Variants in SMYD3 observed in about 807,000 individuals in gnomAD.
SMYD3 encodes the protein histone-lysine N-methyltransferase SMYD3.
A neutral mutation model predicts 57.7 loss-of-function variants in SMYD3; 36 were observed. The ratio of observed to expected loss-of-function variants is 0.62; its 90% CI spans 0.48 to 0.82. The LOEUF (loss-of-function observed/expected upper bound fraction) is 0.82, where lower values mean the gene tolerates loss of function less well. Ranked by LOEUF, SMYD3 falls within the 40% of genes least tolerant of loss-of-function variation. SMYD3 has a pLI of 0.00. For missense variants in SMYD3, 515 were observed against 538.8 expected (o/e 0.96, Z 0.44); for synonymous variants, 211 against 195.0 (o/e 1.08, Z -0.68).
At chr1:246,262,983 T>C (rs1339323199) in intron 5 of SMYD3, among the ~76,000 whole-genome samples, 1 of 152,204 alleles carries the variant, frequency 6.6e-6, no homozygotes, top group Non-Finnish European at 1.5e-5. Context: ...CTCAACTTTG[T>C]ATGTAAATAA....
chr1:246,470,338 A>T (rs548135395), intron 1 of SMYD3, among the ~76,000 whole-genome samples: 1 of 151,970 alleles, frequency 6.6e-6, no homozygotes, highest in African/African-American at 2.4e-5. Context: ...CTAAAAATAC[A>T]AAAAATAATT....
intron 10 of SMYD3, among the ~76,000 whole-genome samples, chr1:245,787,463 T>C (rs2047093298): frequency 6.6e-6 from 1 of 152,200 alleles, no homozygotes; most frequent in Non-Finnish European, 1.5e-5. Flanking sequence ...CTCTTAGTTC[T>C]GACAAGTTTT....
chr1:246,099,735 A>G (rs749486435), intron 5 of SMYD3, among the ~76,000 whole-genome samples: 37 of 152,212 alleles, frequency 2.4e-4, no homozygotes, highest in Admixed American at 5.2e-4. Flanking sequence ...CAAGGGTTTC[A>G]TGAAAGACCT....
At chr1:246,235,153 A>G (rs1382978811) in intron 5 of SMYD3, among the ~76,000 whole-genome samples, 1 of 152,210 alleles carries the variant, frequency 6.6e-6, no homozygotes, top group East Asian at 1.9e-4. Flanking sequence ...GCCTCTAAGT[A>G]TAAGGTTGAG....
intron 5 of SMYD3, among the ~76,000 whole-genome samples, chr1:245,997,159 A>T (rs1412866290): frequency 6.6e-6 from 1 of 152,246 alleles, no homozygotes; most frequent in Non-Finnish European, 1.5e-5. Flanking sequence ...ACACTTAATG[A>T]ATTTATTTAA....
intron 1 of SMYD3, among the ~76,000 whole-genome samples, chr1:246,440,713 T>C (rs1257510651): frequency 6.6e-6 from 1 of 152,138 alleles, no homozygotes; most frequent in African/African-American, 2.4e-5. Context: ...TACTATGATA[T>C]AGGAGTAGCA....
chr1:245,848,625 C>A (rs544219375), intron 10 of SMYD3, among the ~76,000 whole-genome samples: 1 of 151,988 alleles, frequency 6.6e-6, no homozygotes, highest in South Asian at 2.1e-4. Flanking sequence ...TCACCCAGGT[C>A]TGTCTTGAAC....
At chr1:246,175,661 C>T (rs1235464372) in intron 5 of SMYD3, among the ~76,000 whole-genome samples, 2 of 152,158 alleles carry the variant, frequency 1.3e-5, no homozygotes, top group Non-Finnish European at 1.5e-5. Flanking sequence ...ATCTTCTAAT[C>T]TGTTAGGATT....
At chr1:245,977,778 T>C (rs2148056235) in intron 5 of SMYD3, among the ~76,000 whole-genome samples, 1 of 152,354 alleles carries the variant, frequency 6.6e-6, no homozygotes, top group South Asian at 2.1e-4. Flanking sequence ...TTCCTCTTTT[T>C]GTTTCCTTCC....
chr1:246,117,887 T>C (rs1055636070), intron 5 of SMYD3, among the ~76,000 whole-genome samples: 6 of 106,612 alleles, frequency 5.6e-5, no homozygotes, highest in African/African-American at 3.5e-4. Flanking sequence ...AAATTACATA[T>C]TCTTTCTGTG....
intron 5 of SMYD3, among the ~76,000 whole-genome samples, chr1:246,205,112 G>C (rs1296950987): frequency 6.6e-6 from 1 of 152,180 alleles, no homozygotes; most frequent in Non-Finnish European, 1.5e-5. Context: ...TACTCCAGAA[G>C]GGTGGAGTCT....
At chr1:246,094,299 C>T (rs2060876014) in intron 5 of SMYD3, among the ~76,000 whole-genome samples, 1 of 152,194 alleles carries the variant, frequency 6.6e-6, no homozygotes, top group Non-Finnish European at 1.5e-5. Context: ...TTTCCATACA[C>T]TGCGTCCTTT....
chr1:246,218,225 C>T (rs1409190452), intron 5 of SMYD3, among the ~76,000 whole-genome samples: 1 of 131,604 alleles, frequency 7.6e-6, no homozygotes. Flanking sequence ...ACAAGAAAAC[C>T]TGTTAAAAAA....
chr1:245,749,738 T>C (rs940797074), intron 11 of SMYD3, 74 bp from the exon 12 acceptor site: 1 of 1,170,554 alleles, frequency 8.5e-7, no homozygotes, highest in Non-Finnish European at 1.3e-6. Flanking sequence ...CTTTACCCCA[T>C]GATGCCAGGG....
At chr1:246,257,886 C>G (rs754253140) in intron 5 of SMYD3, among the ~76,000 whole-genome samples, 2 of 152,168 alleles carry the variant, frequency 1.3e-5, no homozygotes, top group Non-Finnish European at 2.9e-5. Flanking sequence ...TCTCCTGCTT[C>G]TGCCTTGTAA....
intron 2 of SMYD3, among the ~76,000 whole-genome samples, chr1:246,340,401 A>C (rs2065615387): frequency 6.6e-6 from 1 of 152,126 alleles, no homozygotes; most frequent in African/African-American, 2.4e-5. Flanking sequence ...TGAATATTTC[A>C]AAAAATATAA....
Position 246,170,966 on chromosome 1 carries a change from A to AT in SMYD3, c.531+156234dup, listed in dbSNP as rs1029319608. On this transcript the variant is annotated intron_variant, in intron 5 of 11. Transcript: ENST00000490107. The stretch of plus-strand genomic sequence containing the variant: ...ATGTTATTTTTCAAACAACCCTCTA[A>AT]TTTTTTTTAAACCAGAAGATTATTT... 4.6e-5 allele frequency among the ~76,000 whole-genome samples: 7 copies of AT among 151,912 alleles called. No individual in the cohort carries two copies. In the South Asian group the frequency reaches 6.2e-4, roughly 14 times the overall value.
intron 6 of SMYD3, among the ~76,000 whole-genome samples, chr1:245,929,096 G>A (rs1050309033): frequency 2.0e-5 from 3 of 152,216 alleles, no homozygotes; most frequent in African/African-American, 7.2e-5. Context: ...TAAATGACTT[G>A]CTCAAGGACA....
chr1:245,993,619 T>C (rs554132615), intron 5 of SMYD3, among the ~76,000 whole-genome samples: 7 of 82,496 alleles, frequency 8.5e-5, no homozygotes, highest in Non-Finnish European at 1.8e-4. Flanking sequence ...GATAGATAGA[T>C]AGATAGATAG....
Sources: gnomAD v4.1 joint callset for allele counts (sites outside exome capture counted in the v4.1 genomes callset) on GRCh38, gnomAD v4.1.1 for gene constraint, MANE v1.5 for transcripts, NCBI Gene and HGNC (gene_info 2026-07-23, HGNC 2026-07-21) for gene names.